The following NEGR1 variants were observed in gnomAD, a reference collection of about 807,000 sequenced individuals.
NEGR1 encodes the protein IgLON family member 4.
Under a neutral mutation model 40.9 loss-of-function variants are expected in NEGR1, and 10 were observed. The ratio of observed to expected loss-of-function variants is 0.24; its 90% CI spans 0.15 to 0.42. NEGR1 has a LOEUF of 0.42. Among genes scored for constraint, NEGR1 ranks in the 10% least tolerant of loss-of-function variants. The probability of loss-of-function intolerance (pLI) is 1.00; values close to 1 mark genes in which losing one functional copy is unlikely to be tolerated. For synonymous variants in NEGR1, 185 were observed against 166.8 expected, an observed-to-expected ratio of 1.11 and a Z score of -0.84; for missense variants, 352 against 438.9, an observed-to-expected ratio of 0.80 and a Z score of 1.77.
chr1:72,188,273 A>G (rs922808176), intron 1 of NEGR1, among the ~76,000 whole-genome samples: 1 of 151,362 alleles, frequency 6.6e-6, no homozygotes, highest in Non-Finnish European at 1.5e-5. Context: ...ACTTGTAGAG[A>G]TCAAGAAGGT....
intron 2 of NEGR1, among the ~76,000 whole-genome samples, chr1:71,843,955 C>T (rs1659322698): frequency 6.6e-6 from 1 of 152,094 alleles, no homozygotes; most frequent in Non-Finnish European, 1.5e-5. Context: ...TCTCTCCCTA[C>T]ATTTGTTTCA....
chr1:72,149,749 G>A (rs534344996), intron 1 of NEGR1, among the ~76,000 whole-genome samples: 10 of 151,750 alleles, frequency 6.6e-5, no homozygotes, highest in African/African-American at 2.4e-4. Context: ...GGGCATAGTG[G>A]CACATGACTG....
chr1:72,096,528 A>C (rs1648703728), intron 1 of NEGR1, among the ~76,000 whole-genome samples: 1 of 150,770 alleles, frequency 6.6e-6, no homozygotes. Flanking sequence ...AGATCAGAAA[A>C]TCATAGTCAC....
At chr1:71,688,624 T>C (rs893533479) in intron 4 of NEGR1, among the ~76,000 whole-genome samples, 6 of 151,594 alleles carry the variant, frequency 4.0e-5, no homozygotes, top group Non-Finnish European at 7.4e-5. Flanking sequence ...GCCCAACTAA[T>C]TTTTGTATCT....
At chr1:71,601,970 T>A (rs534707258) in intron 5 of NEGR1, among the ~76,000 whole-genome samples, 35 of 152,130 alleles carry the variant, frequency 2.3e-4, no homozygotes, top group Admixed American at 1.0e-3. Flanking sequence ...ATAAATAAAT[T>A]AATTAAATTA....
chr1:72,135,375 C>CAAAAAAAAAAAAAAAAA (rs71074819), intron 1 of NEGR1, among the ~76,000 whole-genome samples: 4 of 71,382 alleles, frequency 5.6e-5, no homozygotes, highest in Non-Finnish European at 1.0e-4. Flanking sequence ...GACTCCGTCT[C>CAAAAAAAAAAAAAAAAA]AAAAAAAAAA....
intron 2 of NEGR1, among the ~76,000 whole-genome samples, chr1:71,932,174 C>T (rs1645861648): frequency 6.6e-6 from 1 of 151,982 alleles, no homozygotes; most frequent in Admixed American, 6.6e-5. Context: ...TATATGTAAA[C>T]ATTAGTTTGC....
chr1:71,526,069 A>C (rs1424818941), intron 6 of NEGR1, among the ~76,000 whole-genome samples: 4 of 151,566 alleles, frequency 2.6e-5, no homozygotes, highest in Non-Finnish European at 4.4e-5. Flanking sequence ...CTACTTTTTT[A>C]TCTTTTTAAA....
chr1:72,013,558 T>C (rs1646679700), intron 1 of NEGR1, among the ~76,000 whole-genome samples: 1 of 152,076 alleles, frequency 6.6e-6, no homozygotes, highest in Non-Finnish European at 1.5e-5. Context: ...AATCTAAATA[T>C]AATTATGACA....
chr1:71,688,333 G>T (rs2422024), intron 4 of NEGR1, among the ~76,000 whole-genome samples: 28,284 of 47,912 alleles, frequency 0.59, 6,808 homozygotes, highest in Non-Finnish European at 0.62. Flanking sequence ...TATATAGATA[G>T]ATAGATAGAT....
intron 1 of NEGR1, among the ~76,000 whole-genome samples, chr1:72,009,976 A>C (rs1557481702): frequency 6.6e-6 from 1 of 152,166 alleles, no homozygotes; most frequent in Non-Finnish European, 1.5e-5. Context: ...GTGCAATAAA[A>C]ATAATCCCAG....
At chr1:71,551,527 T>C (rs1648075551) in intron 6 of NEGR1, among the ~76,000 whole-genome samples, 1 of 151,676 alleles carries the variant, frequency 6.6e-6, no homozygotes, top group Non-Finnish European at 1.5e-5. Context: ...CTTGCACTTA[T>C]TTATATTTAA....
chr1:71,874,004 A>C (rs1182882498), intron 2 of NEGR1, among the ~76,000 whole-genome samples: 1 of 152,162 alleles, frequency 6.6e-6, no homozygotes, highest in Non-Finnish European at 1.5e-5. Flanking sequence ...AATTGCCTGA[A>C]AGAGTGCTTC....
intron 1 of NEGR1, among the ~76,000 whole-genome samples, chr1:72,047,069 C>T (rs1333632095): frequency 1.3e-5 from 2 of 151,338 alleles, no homozygotes; most frequent in Non-Finnish European, 3.0e-5. Flanking sequence ...TAGATTCTTA[C>T]ATTGAGCATT....
chr1:72,274,647 G>C, intron 1 of NEGR1: 1 of 856,456 alleles, frequency 1.2e-6, no homozygotes, highest in Non-Finnish European at 2.0e-6. Context: ...GATTTGCAAG[G>C]CTAAGTGCTA....
chr1:72,104,291 T>C (rs1030258192), intron 1 of NEGR1, among the ~76,000 whole-genome samples: 1 of 152,166 alleles, frequency 6.6e-6, no homozygotes, highest in Non-Finnish European at 1.5e-5. Flanking sequence ...TTGGATTATC[T>C]GGTTGGGCCC....
intron 2 of NEGR1, among the ~76,000 whole-genome samples, chr1:71,831,194 C>T (rs926855542): frequency 1.3e-5 from 2 of 151,902 alleles, no homozygotes; most frequent in African/African-American, 4.8e-5. Flanking sequence ...CCAGTTGTTG[C>T]TGGGACAGAC....
chr1:71,899,367 T>TGCAGATGGGAAG (rs1398485727), intron 2 of NEGR1, among the ~76,000 whole-genome samples: 2 of 151,842 alleles, frequency 1.3e-5, no homozygotes, highest in African/African-American at 2.4e-5. Context: ...AGTAGGAAGA[T>TGCAGATGGGAAG]GCAGATGGGA....
intron 4 of NEGR1, among the ~76,000 whole-genome samples, chr1:71,651,530 T>C (rs1651717749): frequency 6.6e-6 from 1 of 152,118 alleles, no homozygotes; most frequent in East Asian, 1.9e-4. Flanking sequence ...TCCTGTCCTT[T>C]GTTTTATCTT....
Sources: gnomAD v4.1 joint callset for allele counts (sites outside exome capture counted in the v4.1 genomes callset) on GRCh38, gnomAD v4.1.1 for gene constraint, MANE v1.5 for transcripts, NCBI Gene and HGNC (gene_info 2026-07-23, HGNC 2026-07-21) for gene names.